Variants in B4GALT4 observed in about 807,000 individuals in gnomAD.
B4GALT4 encodes the protein N-acetyllactosamine synthase.
A neutral mutation model predicts 37.3 loss-of-function variants in B4GALT4; 27 were observed. The ratio of observed to expected loss-of-function variants is 0.72; its 90% CI spans 0.53 to 1.00. The LOEUF (loss-of-function observed/expected upper bound fraction) is 1.00, where lower values mean the gene tolerates loss of function less well. Ranked by LOEUF, B4GALT4 falls within the 50% of genes least tolerant of loss-of-function variation. The probability of loss-of-function intolerance (pLI) is 0.00; values close to 1 mark genes in which losing one functional copy is unlikely to be tolerated. For synonymous variants in B4GALT4, 148 were observed against 154.1 expected, an observed-to-expected ratio of 0.96 and a Z score of 0.29; for missense variants, 372 against 413.1, an observed-to-expected ratio of 0.90 and a Z score of 0.86.
chr3:119,231,756 A>T (rs1045048273), intron 2 of B4GALT4, among the ~76,000 whole-genome samples: 57 of 142,196 alleles, frequency 4.0e-4, no homozygotes, highest in African/African-American at 1.3e-3. Context: ...TATTTTATAA[A>T]TTTTATTTTA....
intron 3 of B4GALT4, among the ~76,000 whole-genome samples, chr3:119,228,810 G>A (rs2078710587): frequency 7.2e-6 from 1 of 138,176 alleles, no homozygotes; most frequent in African/African-American, 2.7e-5. Flanking sequence ...GCTGCCAGGT[G>A]GGATTAAAGC....
intron 5 of B4GALT4, among the ~76,000 whole-genome samples, chr3:119,220,724 C>T (rs370984990): frequency 1.3e-5 from 2 of 152,120 alleles, no homozygotes; most frequent in African/African-American, 2.4e-5. Flanking sequence ...TGTCTCTCCA[C>T]GCCTGTAATC....
At chr3:119,229,095 T>TTA (rs142604011) in intron 3 of B4GALT4, among the ~76,000 whole-genome samples, 2,500 of 152,302 alleles carry the variant, frequency 0.016, 25 homozygotes, top group Non-Finnish European at 0.025. Flanking sequence ...TTGAAAAACT[T>TTA]ACCTAGTCTC....
At chr3:119,230,560 G>A (rs2078778555) in intron 2 of B4GALT4, among the ~76,000 whole-genome samples, 1 of 152,194 alleles carries the variant, frequency 6.6e-6, no homozygotes, top group Non-Finnish European at 1.5e-5. Flanking sequence ...CACAGCCTAA[G>A]ACATAGCCCT....
chr3:119,229,947 G>A lies in B4GALT4; in HGVS notation c.153C>T (p.Phe51=), dbSNP rs745487394. The change falls in exon 3 of 8, where the codon TTC becomes TTT. Residue 51 remains phenylalanine, a synonymous_variant. Coordinates refer to ENST00000393765, the MANE Select transcript of B4GALT4 (RefSeq NM_003778.4). ...CCTTCCCCAAAATGAGGGTCTTATG[G>A]AAATTAGCCATGAACTCCTTTGCTT... ...IPKAKEFMAN[F]HKTLILGKGK... The A allele has an allele frequency of 1.2e-6, 2 of 1,614,146 alleles. No individual in the cohort carries two copies. The highest frequency in any genetic ancestry group is 2.2e-5 in the South Asian group (2 of 91,082).
intron 2 of B4GALT4, among the ~76,000 whole-genome samples, chr3:119,234,613 A>C (rs139134733): frequency 6.6e-6 from 1 of 152,194 alleles, no homozygotes. Context: ...CTTTTTAAAG[A>C]AAGTTATTTT....
rs1272403113 is a variant in B4GALT4, at chr3:119,212,673, A to C, written c.911T>G (p.Leu304Arg). The C allele has an allele frequency of 6.3e-7, 1 of 1,595,328 alleles. No individual in the cohort carries two copies. Among genetic ancestry groups the C allele is most frequent in the Admixed American group, 1.8e-5 (1 of 54,086 alleles). Residue 304 changes from leucine to arginine, a missense_variant, in exon 8 of 8, where the codon CTC (leucine) becomes CGC (arginine). Coordinates refer to ENST00000393765, the MANE Select transcript of B4GALT4 (RefSeq NM_003778.4). Reference protein sequence around the residue: ...GNEVNAERMKLLHQVSRVWRT... With the variant: ...GNEVNAERMKRLHQVSRVWRT... ...CCAGACTCGTGACACTTGGTGTAAG[A>C]GCTTCATCCTAAAGATAAAAAGAAC...
chr3:119,234,601 G>A (rs1438237950), intron 2 of B4GALT4, among the ~76,000 whole-genome samples: 1 of 152,104 alleles, frequency 6.6e-6, no homozygotes, highest in Non-Finnish European at 1.5e-5. Flanking sequence ...AAAACATAAT[G>A]ACTTTTTAAA....
intron 6 of B4GALT4, 109 bp from the exon 7 acceptor site, chr3:119,216,453 C>T (rs73187814): frequency 0.68 from 389,386 of 574,892 alleles, 122,474 homozygotes; most frequent in Middle Eastern, 0.71. Flanking sequence ...CATACACACA[C>T]ACACACACAC....
In B4GALT4 at chr3:119,216,232, G is replaced by A; in HGVS notation, c.902+8C>T. ...GTAGCCTGCTAGGCAGGTGAAGCCA[G>A]GACTTACCGTTCTGCGTTCACCTCA... On this transcript the variant is annotated splice_region_variant and intron_variant, in intron 7 of 7. Coordinates refer to ENST00000393765, the MANE Select transcript of B4GALT4 (RefSeq NM_003778.4). 6.2e-7 allele frequency: 1 copy of A among 1,606,294 alleles called. No individual in the cohort carries two copies. The highest frequency in any genetic ancestry group is 8.5e-7 in the Non-Finnish European group (1 of 1,175,140).
intron 3 of B4GALT4, 89 bp from the exon 4 acceptor site, chr3:119,227,130 T>C: frequency 9.0e-7 from 1 of 1,115,564 alleles, no homozygotes; most frequent in Non-Finnish European, 1.3e-6. Context: ...GAAAGAACAC[T>C]GCCCAGCTCA....
At position 119,212,111 on chromosome 3, in the gene B4GALT4, G is replaced by A. The variant is rs766227721; in HGVS notation, c.*438C>T. 5.7e-6 allele frequency: 4 copies of A among 702,846 alleles called. No homozygotes were observed. Among genetic ancestry groups the A allele is most frequent in the East Asian group, 2.7e-5 (1 of 37,294 alleles). The allele number at this position is 702,846 out of a possible 1,614,324, so 43.5% of individuals were successfully genotyped here. On this transcript the variant is annotated 3_prime_UTR_variant, in exon 8 of 8. Transcript: ENST00000393765. Reference sequence around the variant, plus strand: ...TCACAGATGATTGTACAGGATAAATGAATAACAGTATTGTATCTTCGTACC... The same window carrying A: ...TCACAGATGATTGTACAGGATAAATAAATAACAGTATTGTATCTTCGTACC...
intron 2 of B4GALT4, among the ~76,000 whole-genome samples, chr3:119,233,673 C>T (rs767823722): frequency 6.6e-6 from 1 of 152,128 alleles, no homozygotes; most frequent in East Asian, 1.9e-4. Context: ...ACTAATATTG[C>T]TCAACTGCAG....
chr3:119,238,229 T>C (rs942460768), intron 1 of B4GALT4, among the ~76,000 whole-genome samples: 3 of 142,046 alleles, frequency 2.1e-5, no homozygotes, highest in African/African-American at 8.0e-5. Flanking sequence ...ATCATGCCAC[T>C]GCACTCCAGC....
intron 6 of B4GALT4, 138 bp downstream of exon 6, chr3:119,218,512 C>T (rs1029852961): frequency 9.7e-5 from 120 of 1,231,846 alleles, no homozygotes; most frequent in Non-Finnish European, 1.3e-4. Context: ...CTTCCCTCCA[C>T]CCCCTGCACC....
intron 3 of B4GALT4, among the ~76,000 whole-genome samples, chr3:119,228,461 T>C (rs140627986): frequency 7.3e-4 from 111 of 152,328 alleles, no homozygotes; most frequent in African/African-American, 2.5e-3. Context: ...ACTGTCCCTC[T>C]ATTCTTTATG....
intron 6 of B4GALT4, among the ~76,000 whole-genome samples, chr3:119,217,782 G>C (rs2078332227): frequency 6.8e-6 from 1 of 146,744 alleles, no homozygotes; most frequent in South Asian, 2.1e-4. Flanking sequence ...GGCAGAGGTT[G>C]CGGTGAGTCG....
At chr3:119,230,699 C>T (rs1056798386) in intron 2 of B4GALT4, among the ~76,000 whole-genome samples, 1 of 152,208 alleles carries the variant, frequency 6.6e-6, no homozygotes, top group African/African-American at 2.4e-5. Context: ...AAGTTCTTCT[C>T]CCCTGTGACA....
intron 6 of B4GALT4, among the ~76,000 whole-genome samples, chr3:119,217,516 C>T (rs552568134): frequency 1.3e-5 from 2 of 152,130 alleles, no homozygotes; most frequent in Admixed American, 6.5e-5. Context: ...CTGACAGTCA[C>T]GTAACTAATA....
Sources: allele counts gnomAD v4.1 joint callset (sites outside exome capture counted in the v4.1 genomes callset), GRCh38; gene constraint gnomAD v4.1.1; transcripts MANE v1.5; gene names NCBI Gene and HGNC (gene_info 2026-07-23, HGNC 2026-07-21).